The following TMA16 variants were observed in gnomAD, a reference collection of about 807,000 sequenced individuals.
TMA16 encodes translation machinery-associated protein 16.
Under a neutral mutation model 27.1 loss-of-function variants are expected in TMA16, and 26 were observed. The observed-to-expected ratio is 0.96, with a 90% CI of 0.70 to 1.33. TMA16 has a LOEUF of 1.33. TMA16 is among the 40% of genes most tolerant of loss of function. The probability of loss-of-function intolerance (pLI) is 0.00; values close to 1 mark genes in which losing one functional copy is unlikely to be tolerated. For missense variants in TMA16, 233 were observed against 241.4 expected (o/e 0.97, Z 0.23); for synonymous variants, 71 against 81.9 (o/e 0.87, Z 0.72).
Position 163,507,135 on chromosome 4 carries a change from A to T in TMA16, c.106A>T (p.Lys36Ter). The T allele has an allele frequency of 6.4e-7, 1 of 1,573,800 alleles. No individual in the cohort carries two copies. The highest frequency in any genetic ancestry group is 8.6e-7 in the Non-Finnish European group (1 of 1,158,034). Residue 36 changes from lysine to a stop codon, truncating the protein, a stop_gained, in exon 2 of 7, where the codon AAA (lysine) becomes TAA (stop). Coordinates refer to ENST00000358572, the MANE Select transcript of TMA16 (RefSeq NM_018352.3). LOFTEE classifies it high-confidence loss of function. Reference sequence around the variant, plus strand: ...TACGAGAGAGGCCCACAAACAAGAAAAAAAGGAAAAGTAAGTATCTTTTCA... The same window carrying T: ...TACGAGAGAGGCCCACAAACAAGAATAAAAGGAAAAGTAAGTATCTTTTCA... ...QITREAHKQEKKEKLKNEKAL... is the reference protein window; with the variant it reads ...QITREAHKQE
rs151170713 is a variant in TMA16, at chr4:163,515,313, G to T, written c.240G>T (p.Arg80Ser). ...CACAAATCATTTTCGTATTTTTCAG[G>T]TACTTAAATCGATTCAGCAGTGAGC... ...SKKDACELIE[R>S]YLNRFSSELE... The change falls in exon 5 of 7, where the codon AGG becomes AGT. Residue 80 changes from arginine (R) to serine (S), a missense_variant and splice_region_variant. Arg to Ser is a moderately radical substitution (Grantham distance 110). Transcript: ENST00000358572. 4.9e-4 allele frequency: 791 copies of T among 1,602,650 alleles called. 8 individuals are homozygous for T. The East Asian group carries it at 0.018, about 35-fold the overall frequency.
At chr4:163,510,724 C>T (rs1406367381) in intron 2 of TMA16, among the ~76,000 whole-genome samples, 1 of 152,134 alleles carries the variant, frequency 6.6e-6, no homozygotes, top group Non-Finnish European at 1.5e-5. Flanking sequence ...CATTAGCCAC[C>T]TGTTATTACG....
rs56155337 is a variant in TMA16 at position 163,509,268 on chromosome 4, A to G, written c.116+2123A>G. ...CTGATTCCCTGCCCCATTTCAAAAG[A>G]TGATTGGTGACAAGATACCCAGATG... On this transcript the variant is annotated intron_variant, in intron 2 of 6. Transcript: ENST00000358572. Among the ~76,000 whole-genome samples, 618 of 152,308 alleles carry G rather than the reference A, an allele frequency of 4.1e-3. 4 individuals are homozygous for G. The highest frequency in any genetic ancestry group is 0.014 in the African/African-American group (581 of 41,562).
In TMA16 at chr4:163,507,058, C is replaced by T. The variant is rs756578812; in HGVS notation, c.29C>T (p.Ala10Val). Residue 10 changes from alanine (A) to valine (V), a missense_variant, in exon 2 of 7, where the codon GCA (alanine) becomes GTA (valine). Transcript: ENST00000358572. MPKAPKGKS[A>V]GREKKVIHPY... is the part of the protein sequence containing the mutation. ...CCCAAAGCACCAAAGGGAAAAAGTG[C>T]AGGACGGGAAAAAAAAGTCATCCAT... 1.3e-6 allele frequency: 2 copies of T among 1,591,992 alleles called. No homozygotes were observed. Among genetic ancestry groups the T allele is most frequent in the African/African-American group, 1.3e-5 (1 of 74,554 alleles).
intron 1 of TMA16, among the ~76,000 whole-genome samples, chr4:163,495,903 A>G (rs1737545856): frequency 6.6e-6 from 1 of 152,204 alleles, no homozygotes; most frequent in Non-Finnish European, 1.5e-5. Flanking sequence ...TGGGATTTCC[A>G]ACTCTTTATA....
Position 163,519,550 on chromosome 4 carries a change from A to C in TMA16, c.*36A>C. 1 of 1,493,842 alleles carries C rather than the reference A, an allele frequency of 6.7e-7. No homozygotes were observed. Among genetic ancestry groups the C allele is most frequent in the Non-Finnish European group, 8.9e-7 (1 of 1,125,188 alleles). 92.5% of individuals were successfully genotyped at this position (1,493,842 alleles called of 1,614,324 possible). A position where few individuals can be genotyped will look rare whatever the true frequency, so the allele number is the denominator to read the frequency against. On this transcript the variant is annotated 3_prime_UTR_variant, in exon 7 of 7. Coordinates refer to ENST00000358572, the MANE Select transcript of TMA16 (RefSeq NM_018352.3). The stretch of plus-strand genomic sequence containing the variant: ...TTGAATTGAAAATAAATAATTTGAG[A>C]GCTTCAAATTATATTCATTGATTAT...
Position 163,496,211 on chromosome 4 carries a change from CAG to C in TMA16, c.3+1410_3+1411del, listed in dbSNP as rs1171614887. On this transcript the variant is annotated intron_variant, in intron 1 of 6. Transcript: ENST00000358572. ...CAGCTCAGAATGTGGTCCCAAAGGA[CAG>C]AGTTGGGCACCTGTCTTTCCCTGAG... Among the ~76,000 whole-genome samples, 8 of 152,244 alleles carry C rather than the reference CAG, an allele frequency of 5.3e-5. No homozygotes were observed. In the South Asian group the frequency reaches 8.3e-4, roughly 16 times the overall value.
intron 1 of TMA16, among the ~76,000 whole-genome samples, chr4:163,505,819 A>G (rs1737711288): frequency 2.0e-5 from 3 of 152,334 alleles, no homozygotes; most frequent in Middle Eastern, 6.8e-3. Context: ...TGCCGAAGAA[A>G]GGACTAGTGG....
intron 1 of TMA16, among the ~76,000 whole-genome samples, chr4:163,502,206 T>C (rs1159234314): frequency 6.6e-6 from 1 of 152,178 alleles, no homozygotes; most frequent in Non-Finnish European, 1.5e-5. Flanking sequence ...AAGATAAAAT[T>C]AAAGTCTGCA....
intron 1 of TMA16, among the ~76,000 whole-genome samples, chr4:163,495,064 T>C (rs999495405): frequency 7.5e-5 from 11 of 147,620 alleles, no homozygotes; most frequent in Non-Finnish European, 1.6e-4. Flanking sequence ...GTGCCTAACT[T>C]CTCGCTAGTC....
intron 1 of TMA16, among the ~76,000 whole-genome samples, chr4:163,501,546 A>T (rs1027344112): frequency 6.6e-6 from 1 of 152,228 alleles, no homozygotes; most frequent in Admixed American, 6.5e-5. Context: ...GCCATTAAAA[A>T]GTACCAGTAT....
intron 2 of TMA16, among the ~76,000 whole-genome samples, chr4:163,507,649 G>C (rs1187224391): frequency 6.6e-6 from 1 of 152,036 alleles, no homozygotes; most frequent in African/African-American, 2.4e-5. Context: ...AGACTGGATA[G>C]GATCAGTTCA....
chr4:163,494,753 T>G lies in TMA16; in HGVS notation c.-49T>G. 6.2e-7 allele frequency: 1 copy of G among 1,613,076 alleles called. No homozygotes were observed. Among genetic ancestry groups the G allele is most frequent in the Non-Finnish European group, 8.5e-7 (1 of 1,179,950 alleles). Reference sequence around the variant, plus strand: ...CTGCTGCTCCTGCGGTTGGTGAGATTACCTGGGTCTAGAGTGCGGAGCTGC... The same window carrying G: ...CTGCTGCTCCTGCGGTTGGTGAGATGACCTGGGTCTAGAGTGCGGAGCTGC... On this transcript the variant is annotated 5_prime_UTR_variant, in exon 1 of 7. The change creates a new upstream start codon in the 5' untranslated region. Coordinates refer to ENST00000358572, the MANE Select transcript of TMA16 (RefSeq NM_018352.3).
intron 6 of TMA16, 183 bp downstream of exon 6, chr4:163,517,659 A>G (rs1737902070): frequency 1.9e-6 from 1 of 536,402 alleles, no homozygotes; most frequent in African/African-American, 2.0e-5. Context: ...GATCTGCACC[A>G]ACAGGATGGT....
intron 1 of TMA16, among the ~76,000 whole-genome samples, chr4:163,503,928 G>A (rs1250361644): frequency 6.6e-6 from 1 of 151,990 alleles, no homozygotes; most frequent in African/African-American, 2.4e-5. Context: ...ATTATTATAA[G>A]GAATCATAAC....
intron 2 of TMA16, chr4:163,512,561 GT>G (rs1737814035): frequency 3.1e-6 from 1 of 318,268 alleles, no homozygotes; most frequent in Non-Finnish European, 5.8e-6. Flanking sequence ...AAAGCTTTCA[GT>G]TGTGTTTTCA....
At chr4:163,503,832 T>G (rs566201034) in intron 1 of TMA16, among the ~76,000 whole-genome samples, 1 of 152,232 alleles carries the variant, frequency 6.6e-6, no homozygotes. Context: ...TATGAAAGTT[T>G]TAAAATATAG....
chr4:163,509,015 T>C (rs1229937972), intron 2 of TMA16, among the ~76,000 whole-genome samples: 2 of 152,336 alleles, frequency 1.3e-5, no homozygotes, highest in East Asian at 3.9e-4. Context: ...TCTAAATAGA[T>C]TGGATTTTTT....
chr4:163,506,313 A>G (rs1316544917), intron 1 of TMA16, among the ~76,000 whole-genome samples: 1 of 152,112 alleles, frequency 6.6e-6, no homozygotes, highest in Non-Finnish European at 1.5e-5. Flanking sequence ...TAAAGAACCA[A>G]ACTTAAGCTG....
Sources: allele counts gnomAD v4.1 joint callset (sites outside exome capture counted in the v4.1 genomes callset), GRCh38; gene constraint gnomAD v4.1.1; transcripts MANE v1.5; gene names NCBI Gene and HGNC (gene_info 2026-07-23, HGNC 2026-07-21).